TMEM132C: variants seen among roughly 807,000 people sequenced by gnomAD.
The protein encoded by TMEM132C is protein phosphatase 1, regulatory subunit 152.
Under a neutral mutation model 61.4 loss-of-function variants are expected in TMEM132C, and 29 were observed. The observed-to-expected ratio is 0.47, with a 90% CI of 0.35 to 0.64. The LOEUF (loss-of-function observed/expected upper bound fraction) is 0.64. TMEM132C is among the 30% of genes least tolerant of loss of function. TMEM132C has a pLI of 0.00. For missense variants in TMEM132C, 1,408 were observed against 1,476.9 expected (o/e 0.95, Z 0.76); for synonymous variants, 656 against 633.1 (o/e 1.04, Z -0.54).
chr12:128,365,053 T>C (rs1565913727), intron 1 of TMEM132C, among the ~76,000 whole-genome samples: 1 of 152,150 alleles, frequency 6.6e-6, no homozygotes, highest in Non-Finnish European at 1.5e-5. Flanking sequence ...CAACCAGTGA[T>C]GGAGGGACTT....
intron 5 of TMEM132C, among the ~76,000 whole-genome samples, chr12:128,674,969 C>T (rs1954569213): frequency 2.0e-5 from 3 of 151,940 alleles, no homozygotes; most frequent in Non-Finnish European, 2.9e-5. Flanking sequence ...CTGCTTGGCC[C>T]GTGTAAGCAC....
chr12:128,627,592 A>T (rs1954027924), intron 4 of TMEM132C, among the ~76,000 whole-genome samples: 2 of 152,166 alleles, frequency 1.3e-5, no homozygotes, highest in African/African-American at 4.8e-5. Flanking sequence ...CGAGCATAAC[A>T]GACATAAGGT....
At chr12:128,277,796 T>A (rs1228738752) in intron 1 of TMEM132C, among the ~76,000 whole-genome samples, 1 of 152,222 alleles carries the variant, frequency 6.6e-6, no homozygotes, top group Non-Finnish European at 1.5e-5. Context: ...AGCTCGTTTC[T>A]CCTGCCTATG....
At chr12:128,387,569 T>A (rs536613272) in intron 1 of TMEM132C, among the ~76,000 whole-genome samples, 20 of 152,142 alleles carry the variant, frequency 1.3e-4, no homozygotes, top group Non-Finnish European at 2.5e-4. Context: ...CCTAGCACTT[T>A]GGGAGGCCGA....
intron 3 of TMEM132C, among the ~76,000 whole-genome samples, chr12:128,580,293 C>T (rs371319234): frequency 3.2e-4 from 49 of 151,844 alleles, no homozygotes; most frequent in African/African-American, 8.0e-4. Context: ...TGGTGGCGGG[C>T]GCCTGTAGTC....
chr12:128,291,156 G>A (rs1871234646), intron 1 of TMEM132C, among the ~76,000 whole-genome samples: 1 of 152,196 alleles, frequency 6.6e-6, no homozygotes, highest in Non-Finnish European at 1.5e-5. Flanking sequence ...CTTATGGTCT[G>A]AGCCAGCTGC....
intron 5 of TMEM132C, among the ~76,000 whole-genome samples, chr12:128,679,771 AG>A (rs1385752302): frequency 6.6e-6 from 1 of 152,242 alleles, no homozygotes; most frequent in African/African-American, 2.4e-5. Context: ...GTAATAGCAG[AG>A]ATAGAAAGTA....
At chr12:128,365,769 T>C (rs1168446611) in intron 1 of TMEM132C, among the ~76,000 whole-genome samples, 4 of 152,268 alleles carry the variant, frequency 2.6e-5, no homozygotes, top group Middle Eastern at 6.8e-3. Flanking sequence ...CTGAGTTTCA[T>C]TTTTACAAGG....
intron 2 of TMEM132C, among the ~76,000 whole-genome samples, chr12:128,487,061 G>C (rs56303469): frequency 6.6e-6 from 1 of 152,162 alleles, no homozygotes; most frequent in Non-Finnish European, 1.5e-5. Context: ...CCAAAGTGGA[G>C]AAAGGGGTGC....
Position 128,571,862 on chromosome 12 carries a change from C to G in TMEM132C, c.1121+27759C>G, listed in dbSNP as rs1874895731. Among the ~76,000 whole-genome samples, 3 of 152,186 alleles carry G rather than the reference C, an allele frequency of 2.0e-5. 1 individual carries two copies. The highest frequency in any genetic ancestry group is 7.2e-5 in the African/African-American group (3 of 41,452). On this transcript the variant is annotated intron_variant, in intron 3 of 8. Coordinates refer to ENST00000435159, the MANE Select transcript of TMEM132C (RefSeq NM_001136103.3). ...CACTTAGAGGCAGATTTTCCTTTCCCCCGTACCAGGTCTTCATCTTCTTAG... is the reference window on the plus strand; with the variant it reads ...CACTTAGAGGCAGATTTTCCTTTCCGCCGTACCAGGTCTTCATCTTCTTAG...
At chr12:128,359,845 C>T (rs75631413) in intron 1 of TMEM132C, among the ~76,000 whole-genome samples, 21,229 of 152,054 alleles carry the variant, frequency 0.14, 1,967 homozygotes, top group South Asian at 0.29. Context: ...TTAAAGATAG[C>T]GGCTAATTAG....
chr12:128,676,093 C>T (rs910026979), intron 5 of TMEM132C, among the ~76,000 whole-genome samples: 9 of 152,054 alleles, frequency 5.9e-5, no homozygotes, highest in African/African-American at 1.7e-4. Context: ...GTTGGCCAAC[C>T]GTGTCTTGTG....
chr12:128,544,225 C>T, intron 3 of TMEM132C, 122 bp downstream of exon 3: 1 of 1,350,360 alleles, frequency 7.4e-7, no homozygotes, highest in Non-Finnish European at 9.7e-7. Context: ...TTGAACCCAC[C>T]ACGTGGAAAT....
intron 4 of TMEM132C, among the ~76,000 whole-genome samples, chr12:128,647,439 G>A (rs1027136250): frequency 2.0e-5 from 3 of 150,590 alleles, no homozygotes; most frequent in African/African-American, 7.3e-5. Context: ...GCCCCTATCA[G>A]CGTTGGATGT....
chr12:128,383,679 C>T (rs966694672), intron 1 of TMEM132C, among the ~76,000 whole-genome samples: 90 of 152,152 alleles, frequency 5.9e-4, no homozygotes, highest in Non-Finnish European at 1.1e-3. Context: ...AGGGGACCAT[C>T]GGTGTTTCTG....
chr12:128,379,538 T>C (rs1361526179), intron 1 of TMEM132C, among the ~76,000 whole-genome samples: 1 of 152,198 alleles, frequency 6.6e-6, no homozygotes, highest in Non-Finnish European at 1.5e-5. Context: ...GGAAGGACCC[T>C]TCCTTGCCTC....
chr12:128,646,308 G>C (rs1161464107), intron 4 of TMEM132C, among the ~76,000 whole-genome samples: 1 of 152,070 alleles, frequency 6.6e-6, no homozygotes, highest in Non-Finnish European at 1.5e-5. Flanking sequence ...GAGTCCATCA[G>C]CGTTGGATGT....
intron 2 of TMEM132C, among the ~76,000 whole-genome samples, chr12:128,479,681 C>T (rs999674781): frequency 9.8e-5 from 15 of 152,292 alleles, no homozygotes; most frequent in African/African-American, 3.4e-4. Flanking sequence ...TACTATCTGG[C>T]GCTTTAGAGG....
At chr12:128,562,549 G>A (rs1037114809) in intron 3 of TMEM132C, among the ~76,000 whole-genome samples, 6 of 152,110 alleles carry the variant, frequency 3.9e-5, no homozygotes, top group South Asian at 2.1e-4. Flanking sequence ...TGGCAAAGAC[G>A]CCTCATTCAT....
Sources: allele counts gnomAD v4.1 joint callset (sites outside exome capture counted in the v4.1 genomes callset), GRCh38; gene constraint gnomAD v4.1.1; transcripts MANE v1.5; gene names NCBI Gene and HGNC (gene_info 2026-07-23, HGNC 2026-07-21).